SLC5A1: variants seen among roughly 807,000 people sequenced by gnomAD.
SLC5A1 encodes the protein solute carrier family 5 member 1.
A neutral mutation model predicts 73.5 loss-of-function variants in SLC5A1; 42 were observed. The observed-to-expected ratio is 0.57, with a 90% confidence interval of 0.45 to 0.74. The LOEUF (loss-of-function observed/expected upper bound fraction) is 0.74, where lower values mean the gene tolerates loss of function less well. Among genes scored for constraint, SLC5A1 ranks in the 30% least tolerant of loss-of-function variants. The pLI, the probability that SLC5A1 is intolerant of heterozygous loss-of-function variation, is 0.00. For synonymous variants in SLC5A1, 300 were observed against 317.4 expected, an observed-to-expected ratio of 0.95 and a Z score of 0.58; for missense variants, 634 against 855.4, an observed-to-expected ratio of 0.74 and a Z score of 3.23.
intron 2 of SLC5A1, among the ~76,000 whole-genome samples, chr22:32,064,755 G>A (rs898535163): frequency 2.6e-5 from 4 of 152,124 alleles, no homozygotes; most frequent in South Asian, 2.1e-4. Context: ...CTCAACTGCT[G>A]TCACCCTAGT....
intron 11 of SLC5A1, among the ~76,000 whole-genome samples, chr22:32,096,577 C>G (rs1373425759): frequency 1.3e-5 from 2 of 152,206 alleles, no homozygotes; most frequent in African/African-American, 4.8e-5. Flanking sequence ...GTCTAAAACA[C>G]CAAGCACTGT....
intron 3 of SLC5A1, 41 bp from the exon 4 acceptor site, chr22:32,067,926 G>C (rs750297313): frequency 6.2e-7 from 1 of 1,611,220 alleles, no homozygotes; most frequent in Non-Finnish European, 8.5e-7. Context: ...GATGGGCTAA[G>C]TTTCCTCCTA....
At chr22:32,057,466 ATG>A (rs1427109853) in intron 2 of SLC5A1, among the ~76,000 whole-genome samples, 1 of 151,992 alleles carries the variant, frequency 6.6e-6, no homozygotes, top group African/African-American at 2.4e-5. Context: ...GGGTCTCACT[ATG>A]TTGCCCAGGC....
chr22:32,084,720 G>C, intron 8 of SLC5A1, 61 bp downstream of exon 8: 1 of 1,546,508 alleles, frequency 6.5e-7, no homozygotes, highest in Non-Finnish European at 8.9e-7. Flanking sequence ...AGGAACTCCT[G>C]TCTGTCTGTG....
intron 10 of SLC5A1, among the ~76,000 whole-genome samples, chr22:32,088,180 G>T (rs2055953695): frequency 6.6e-6 from 1 of 152,184 alleles, no homozygotes; most frequent in East Asian, 1.9e-4. Flanking sequence ...ATTCCTTTAG[G>T]TGGGCAGACC....
intron 2 of SLC5A1, among the ~76,000 whole-genome samples, chr22:32,056,042 G>A (rs1437328454): frequency 6.6e-6 from 1 of 152,108 alleles, no homozygotes; most frequent in Non-Finnish European, 1.5e-5. Context: ...TTGTTTGTTT[G>A]TTTTTTGAGA....
At chr22:32,069,945 C>T (rs1025008252) in intron 5 of SLC5A1, among the ~76,000 whole-genome samples, 1 of 152,136 alleles carries the variant, frequency 6.6e-6, no homozygotes, top group East Asian at 1.9e-4. Context: ...CTGTCCTTTT[C>T]CCTGCACAAG....
At chr22:32,109,806 T>C (rs1319809150) in intron 14 of SLC5A1, among the ~76,000 whole-genome samples, 184 bp from the exon 15 acceptor site, 1 of 152,220 alleles carries the variant, frequency 6.6e-6, no homozygotes, top group African/African-American at 2.4e-5. Flanking sequence ...ATTAAGTTTG[T>C]TGGAACATTT....
At chr22:32,085,626 A>G (rs1221488310) in intron 9 of SLC5A1, among the ~76,000 whole-genome samples, 4 of 147,144 alleles carry the variant, frequency 2.7e-5, no homozygotes, top group African/African-American at 1.0e-4. Flanking sequence ...TATTTGCTCA[A>G]TTGTTGCTTA....
chr22:32,081,882 G>C lies in SLC5A1; in HGVS notation c.494G>C (p.Gly165Ala). ...TCCTTCCAGGCAGACATCTTCTCGG[G>C]GGCCATATTCATCAATCTGGCCTTA... ...FTKISADIFSGAIFINLALGL... is the reference protein window; with the variant it reads ...FTKISADIFSAAIFINLALGL... Residue 165 changes from glycine (G) to alanine (A), a missense_variant, in exon 6 of 15, where the codon GGG becomes GCG. Transcript: ENST00000266088. The C allele has an allele frequency of 6.2e-7, 1 of 1,612,640 alleles. No homozygotes were observed. The highest frequency in any genetic ancestry group is 8.5e-7 in the Non-Finnish European group (1 of 1,179,154).
At position 32,110,614 on chromosome 22, in the gene SLC5A1, G is replaced by T; in HGVS notation, c.*401G>T. Reference sequence around the variant, plus strand: ...CTGGTTCCTGCCACTTTTCCTGTCCGTCCTCCTCCCCATTTTTTTTTTAAA... The same window carrying T: ...CTGGTTCCTGCCACTTTTCCTGTCCTTCCTCCTCCCCATTTTTTTTTTAAA... On this transcript the variant is annotated 3_prime_UTR_variant, in exon 15 of 15. Transcript: ENST00000266088. The T allele has an allele frequency of 7.1e-6, 2 of 280,154 alleles. No individual in the cohort carries two copies. The highest frequency in any genetic ancestry group is 1.4e-5 in the Non-Finnish European group (2 of 145,298). The allele number at this position is 280,154 out of a possible 1,614,324, so 17.4% of individuals were successfully genotyped here. A position where few individuals can be genotyped will look rare whatever the true frequency, so the allele number is the denominator to read the frequency against.
Position 32,112,153 on chromosome 22 carries a change from G to C in SLC5A1, c.*1940G>C, listed in dbSNP as rs117112619. The C allele has an allele frequency of 2.0e-5, 3 of 152,122 alleles. No individual in the cohort carries two copies. The highest frequency in any genetic ancestry group is 7.2e-5 in the African/African-American group (3 of 41,436). The allele number at this position is 152,122 out of a possible 1,614,324, so 9.4% of individuals were successfully genotyped here. On this transcript the variant is annotated 3_prime_UTR_variant, in exon 15 of 15. Transcript: ENST00000266088. ...TGTTATACATTGACAGCATTTATCA[G>C]TATAACATTTATTTAAATAAGTAGG... is the stretch of plus-strand genomic sequence containing the variant.
At chr22:32,058,233 A>G (rs894779667) in intron 2 of SLC5A1, among the ~76,000 whole-genome samples, 2 of 152,176 alleles carry the variant, frequency 1.3e-5, no homozygotes, top group Non-Finnish European at 2.9e-5. Context: ...ACACTATTCC[A>G]TCATATGGCT....
chr22:32,075,357 T>G (rs1221881540), intron 5 of SLC5A1, among the ~76,000 whole-genome samples: 2 of 152,132 alleles, frequency 1.3e-5, no homozygotes, highest in Non-Finnish European at 2.9e-5. Context: ...GTTCTCAGTG[T>G]TCTGCCCTGT....
chr22:32,071,199 C>A (rs1023220625), intron 5 of SLC5A1, among the ~76,000 whole-genome samples: 1 of 152,136 alleles, frequency 6.6e-6, no homozygotes, highest in Non-Finnish European at 1.5e-5. Flanking sequence ...TGCCTGTAAT[C>A]CCAGCACTTT....
rs2094042305 is a variant in SLC5A1, at chr22:32,104,805, G to A, written c.1685G>A (p.Ser562Asn). The A allele has an allele frequency of 6.2e-7, 1 of 1,613,924 alleles. No individual in the cohort carries two copies. The highest frequency in any genetic ancestry group is 1.3e-5 in the African/African-American group (1 of 74,896). Residue 562 changes from serine (S) to asparagine (N), a missense_variant, in exon 14 of 15, where the codon AGC (serine) becomes AAC (asparagine). This residue lies in a region of SLC5A1 where 161 missense variants were observed against 178.7 expected (regional missense o/e 0.90). Transcript: ENST00000266088. ...PDVHLYRLCW[S>N]LRNSKEERID... The stretch of plus-strand genomic sequence containing the variant: ...CTGCAGCTCTACCGTCTGTGTTGGA[G>A]CCTGCGCAACAGCAAAGAGGAGCGT...
chr22:32,093,094 CA>C (rs2094020681), intron 11 of SLC5A1, among the ~76,000 whole-genome samples: 1 of 152,088 alleles, frequency 6.6e-6, no homozygotes, highest in Non-Finnish European at 1.5e-5. Flanking sequence ...TTTGGTTTGT[CA>C]AAGATTAGTT....
chr22:32,101,816 T>C (rs554817412), intron 12 of SLC5A1, among the ~76,000 whole-genome samples: 40 of 152,290 alleles, frequency 2.6e-4, no homozygotes, highest in African/African-American at 8.9e-4. Context: ...TGAAACATGA[T>C]AGACAGACAC....
intron 2 of SLC5A1, among the ~76,000 whole-genome samples, chr22:32,057,020 G>T (rs2093952873): frequency 6.6e-6 from 1 of 152,062 alleles, no homozygotes; most frequent in Non-Finnish European, 1.5e-5. Flanking sequence ...TATTATCCTT[G>T]GTTTACAGTG....
Sources: allele counts gnomAD v4.1 joint callset (sites outside exome capture counted in the v4.1 genomes callset), GRCh38; gene constraint gnomAD v4.1.1; regional missense constraint gnomAD v4.1.1; transcripts MANE v1.5; gene names NCBI Gene and HGNC (gene_info 2026-07-23, HGNC 2026-07-21).